PRDM6: variants seen among roughly 807,000 people sequenced by gnomAD.
PRDM6 encodes the protein PR/SET domain 6, also known as putative histone-lysine N-methyltransferase PRDM6.
In PRDM6, 25 loss-of-function variants were observed where a neutral mutation model predicts 60.8. That is an observed-to-expected ratio of 0.41 (90% CI 0.30 to 0.57). PRDM6 has a LOEUF of 0.57. PRDM6 is among the 20% of genes least tolerant of loss of function. PRDM6 has a pLI of 0.27. For synonymous variants in PRDM6, 407 were observed against 357.4 expected (o/e 1.14, Z -1.57); for missense variants, 839 against 821.3 (o/e 1.02, Z -0.26).
At chr5:123,110,752 G>T (rs1764294775) in intron 3 of PRDM6, among the ~76,000 whole-genome samples, 1 of 151,946 alleles carries the variant, frequency 6.6e-6, no homozygotes, top group Non-Finnish European at 1.5e-5. Flanking sequence ...TTTTAGTAGA[G>T]ACTGGGTTTC....
At chr5:123,167,081 T>C (rs1329443581) in intron 5 of PRDM6, among the ~76,000 whole-genome samples, 1 of 152,216 alleles carries the variant, frequency 6.6e-6, no homozygotes, top group Non-Finnish European at 1.5e-5. Flanking sequence ...TCAGTGAGGC[T>C]GATATTTAGG....
Position 123,189,274 on chromosome 5 carries a change from T to C in PRDM6, c.*2073T>C, listed in dbSNP as rs923807037. ...TCAGCTTCACAGATGAGTAAGCTGT[T>C]CCATTTGTTAAGGTTGAAAGATTTA... On this transcript the variant is annotated 3_prime_UTR_variant, in exon 8 of 8. Transcript: ENST00000407847. The C allele has an allele frequency of 5.9e-5, 9 of 152,224 alleles. No homozygotes were observed. Among genetic ancestry groups the C allele is most frequent in the African/African-American group, 2.2e-4 (9 of 41,462 alleles). The allele number at this position is 152,224 out of a possible 1,614,324, so 9.4% of individuals were successfully genotyped here.
intron 5 of PRDM6, among the ~76,000 whole-genome samples, chr5:123,160,444 G>T (rs1374284518): frequency 6.6e-6 from 1 of 152,194 alleles, no homozygotes; most frequent in Non-Finnish European, 1.5e-5. Context: ...TCACCACATT[G>T]ACTAATTTGT....
chr5:123,130,554 CA>C (rs1338073871), intron 3 of PRDM6, among the ~76,000 whole-genome samples: 1 of 148,736 alleles, frequency 6.7e-6, no homozygotes, highest in African/African-American at 2.4e-5. Flanking sequence ...TAAATTCTGT[CA>C]TTTATTTAGT....
intron 3 of PRDM6, among the ~76,000 whole-genome samples, chr5:123,105,863 T>A (rs180727544): frequency 6.6e-6 from 1 of 152,322 alleles, no homozygotes; most frequent in Non-Finnish European, 1.5e-5. Context: ...CTCACTCAAA[T>A]AAGTTACAGA....
At chr5:123,157,771 G>T (rs35955666) in intron 4 of PRDM6, among the ~76,000 whole-genome samples, 1,856 of 152,308 alleles carry the variant, frequency 0.012, 18 homozygotes, top group Middle Eastern at 0.054. Flanking sequence ...GTTATGATTT[G>T]TAATATCTAA....
At chr5:123,172,315 G>T (rs1765910294) in intron 6 of PRDM6, among the ~76,000 whole-genome samples, 1 of 152,184 alleles carries the variant, frequency 6.6e-6, no homozygotes, top group Non-Finnish European at 1.5e-5. Flanking sequence ...TGTGCTGTTG[G>T]AAAAACTACT....
chr5:123,090,242 C>T lies in PRDM6; in HGVS notation c.228C>T (p.Leu76=), dbSNP rs971753175. The part of the protein sequence containing the change: ...PDSLRPRPAS[L]SSASSTPASS... ...GCCTGCGCCCGCGGCCCGCCTCTCTCTCCTCCGCCTCGTCCACGCCGGCTT... is the reference window on the plus strand; with the variant it reads ...GCCTGCGCCCGCGGCCCGCCTCTCTTTCCTCCGCCTCGTCCACGCCGGCTT... Residue 76 remains leucine (L), a synonymous_variant, in exon 2 of 8, where the codon CTC becomes CTT. Transcript: ENST00000407847. 2.7e-6 allele frequency: 4 copies of T among 1,481,786 alleles called. No individual in the cohort carries two copies. The highest frequency in any genetic ancestry group is 1.3e-5 in the South Asian group (1 of 77,568). The allele number at this position is 1,481,786 out of a possible 1,614,324, so 91.8% of individuals were successfully genotyped here.
intron 2 of PRDM6, among the ~76,000 whole-genome samples, chr5:123,092,895 C>G (rs1426001001): frequency 6.6e-6 from 1 of 152,132 alleles, no homozygotes; most frequent in Non-Finnish European, 1.5e-5. Flanking sequence ...AAAGATGAAA[C>G]GTGATTGAGT....
Position 123,134,020 on chromosome 5 carries a change from C to A in PRDM6, c.901-21864C>A, listed in dbSNP as rs111904038. ...TATTAATTACCCTCTTTTAATCAAG[C>A]CAGTTAAAGATCAGTTTACAAACTT... is the stretch of plus-strand genomic sequence containing the variant. On this transcript the variant is annotated intron_variant, in intron 3 of 7. Coordinates refer to ENST00000407847, the MANE Select transcript of PRDM6 (RefSeq NM_001136239.4). Among the ~76,000 whole-genome samples, 1,384 of 152,124 alleles carry A rather than the reference C, an allele frequency of 9.1e-3. 29 individuals are homozygous for A. Among genetic ancestry groups the A allele is most frequent in the African/African-American group, 0.032 (1,317 of 41,508 alleles).
chr5:123,127,973 G>A lies in PRDM6; in HGVS notation c.901-27911G>A, dbSNP rs147781302. Among the ~76,000 whole-genome samples, 557 of 151,552 alleles carry A rather than the reference G, an allele frequency of 3.7e-3. 4 individuals carry two copies. Among genetic ancestry groups the A allele is most frequent in the African/African-American group, 0.013 (525 of 41,236 alleles). On this transcript the variant is annotated intron_variant, in intron 3 of 7. Coordinates refer to ENST00000407847, the MANE Select transcript of PRDM6 (RefSeq NM_001136239.4). ...GTGATGTTCCCCACCCCGTGTTCAA[G>A]TGTTCTCATTGTTCAATTCCCACCT...
rs1359345744 is a variant in PRDM6 at position 123,192,549 on chromosome 5, A to G, written c.*5348A>G. 6.6e-6 allele frequency: 1 copy of G among 152,212 alleles called. No homozygotes were observed. Among genetic ancestry groups the G allele is most frequent in the Non-Finnish European group, 1.5e-5 (1 of 68,034 alleles). 9.4% of individuals were successfully genotyped at this position (152,212 alleles called of 1,614,324 possible). On this transcript the variant is annotated 3_prime_UTR_variant, in exon 8 of 8. Coordinates refer to ENST00000407847, the MANE Select transcript of PRDM6 (RefSeq NM_001136239.4). ...CTCATTGCTGGACAGAATTTCAACT[A>G]TTCCATTGCTGTCAGGCATTGTTTT...
At chr5:123,177,110 A>C (rs778026153) in intron 6 of PRDM6, among the ~76,000 whole-genome samples, 2 of 152,228 alleles carry the variant, frequency 1.3e-5, no homozygotes, top group Non-Finnish European at 2.9e-5. Flanking sequence ...AGTGATGAAA[A>C]TGTTTCCTAA....
chr5:123,103,242 T>C (rs1418867266), intron 3 of PRDM6, among the ~76,000 whole-genome samples: 2 of 152,020 alleles, frequency 1.3e-5, no homozygotes, highest in Non-Finnish European at 2.9e-5. Context: ...TTTTATTTTT[T>C]ATAGTTTAAG....
chr5:123,159,839 T>G (rs1765588142), intron 5 of PRDM6, among the ~76,000 whole-genome samples: 1 of 152,230 alleles, frequency 6.6e-6, no homozygotes, highest in Non-Finnish European at 1.5e-5. Context: ...GGGCCAGTCC[T>G]TCACTTATCA....
At position 123,090,649 on chromosome 5, in the gene PRDM6, G is replaced by T. The variant is rs567646272; in HGVS notation, c.592+43G>T. On this transcript the variant is annotated intron_variant, in intron 2 of 7. Transcript: ENST00000407847. ...GCGCGCTCTCTCCCGGGGCGCCGGC[G>T]CCGGCGCCGGCGGGCGCGGGTGCCT... 2.1e-6 allele frequency: 3 copies of T among 1,443,522 alleles called. No individual in the cohort carries two copies. In the South Asian group the frequency reaches 3.9e-5, roughly 19 times the overall value. The allele number at this position is 1,443,522 out of a possible 1,614,324, so 89.4% of individuals were successfully genotyped here.
intron 7 of PRDM6, among the ~76,000 whole-genome samples, chr5:123,181,747 T>C (rs1766168508): frequency 6.6e-6 from 1 of 152,186 alleles, no homozygotes; most frequent in Non-Finnish European, 1.5e-5. Flanking sequence ...AGAGCCTCAT[T>C]ACCCAGGATT....
At chr5:123,141,833 A>G (rs895462420) in intron 3 of PRDM6, among the ~76,000 whole-genome samples, 2 of 152,108 alleles carry the variant, frequency 1.3e-5, no homozygotes, top group Non-Finnish European at 2.9e-5. Flanking sequence ...CACATGGACA[A>G]TCTCATTTTA....
At chr5:123,104,954 GT>G (rs1764172464) in intron 3 of PRDM6, among the ~76,000 whole-genome samples, 1 of 147,916 alleles carries the variant, frequency 6.8e-6, no homozygotes, top group South Asian at 2.2e-4. Flanking sequence ...GCCACCCTTG[GT>G]TTTCTAAGTC....
Sources: allele counts gnomAD v4.1 joint callset (sites outside exome capture counted in the v4.1 genomes callset), GRCh38; gene constraint gnomAD v4.1.1; transcripts MANE v1.5; gene names NCBI Gene and HGNC (gene_info 2026-07-23, HGNC 2026-07-21).